NBR1: variants seen among roughly 807,000 people sequenced by gnomAD.
NBR1 encodes next to BRCA1 gene 1 protein.
Under a neutral mutation model 115.5 loss-of-function variants are expected in NBR1, and 59 were observed. The ratio of observed to expected loss-of-function variants is 0.51; its 90% CI spans 0.41 to 0.63. The LOEUF (loss-of-function observed/expected upper bound fraction) is 0.63. Ranked by LOEUF, NBR1 falls within the 30% of genes least tolerant of loss-of-function variation. The pLI, the probability that NBR1 is intolerant of heterozygous loss-of-function variation, is 0.00. For missense variants in NBR1, 1,043 were observed against 1,150.5 expected (o/e 0.91, Z 1.35); for synonymous variants, 373 against 414.7 (o/e 0.90, Z 1.22).
chr17:43,207,530 T>A (rs953440997), intron 20 of NBR1, among the ~76,000 whole-genome samples: 1 of 152,160 alleles, frequency 6.6e-6, no homozygotes, highest in Non-Finnish European at 1.5e-5. Flanking sequence ...GCTAGTTTTT[T>A]AAAAATCTTT....
intron 16 of NBR1, among the ~76,000 whole-genome samples, chr17:43,197,475 C>T (rs888776695): frequency 6.6e-6 from 1 of 151,240 alleles, no homozygotes; most frequent in Admixed American, 6.6e-5. Flanking sequence ...GCCAAGATTG[C>T]GCCACTGCAC....
At chr17:43,186,625 C>G (rs1048179577) in intron 6 of NBR1, among the ~76,000 whole-genome samples, 181 bp downstream of exon 6, 1 of 152,098 alleles carries the variant, frequency 6.6e-6, no homozygotes, top group Non-Finnish European at 1.5e-5. Context: ...ACCCATCAAC[C>G]TATCATCTAC....
chr17:43,179,471 G>A, intron 4 of NBR1, 59 bp downstream of exon 4: 1 of 1,485,062 alleles, frequency 6.7e-7, no homozygotes, highest in African/African-American at 1.4e-5. Context: ...GCTCATTGAG[G>A]CATTTCTATT....
chr17:43,194,887 G>A (rs771702531), intron 13 of NBR1, 77 bp from the exon 14 acceptor site: 316 of 1,064,776 alleles, frequency 3.0e-4, no homozygotes, highest in Middle Eastern at 1.4e-3. Context: ...GAAATGATGT[G>A]GAAATGGTCT....
At position 43,193,464 on chromosome 17, in the gene NBR1, C is replaced by T; in HGVS notation, c.1350C>T (p.Ala450=). 6.2e-7 allele frequency: 1 copy of T among 1,613,930 alleles called. No homozygotes were observed. The highest frequency in any genetic ancestry group is 2.2e-5 in the East Asian group (1 of 44,880). Residue 450 remains alanine (A), a synonymous_variant, in exon 12 of 21, where the codon GCC becomes GCT. Coordinates refer to ENST00000590996, the MANE Select transcript of NBR1 (RefSeq NM_005899.5). ...TATCTGTGGAGTTCATTGCCCCAGC[C>T]TTGGAGGGAACGTATACTTCCCATT... ...GVVSVEFIAP[A]LEGTYTSHWR...
rs946141220 is a variant in NBR1, at chr17:43,210,539, A to G, written c.*465A>G. The stretch of plus-strand genomic sequence containing the variant: ...ATTTCTGTAATCCACCTCAAGCTTC[A>G]TAGTTATTTGGCATTGAAATAACAC... On this transcript the variant is annotated 3_prime_UTR_variant, in exon 21 of 21. Transcript: ENST00000590996. 8.5e-5 allele frequency: 34 copies of G among 398,312 alleles called. No homozygotes were observed. Among genetic ancestry groups the G allele is most frequent in the Non-Finnish European group, 1.4e-4 (31 of 226,054 alleles). 24.7% of individuals were successfully genotyped at this position (398,312 alleles called of 1,614,324 possible). A position where few individuals can be genotyped will look rare whatever the true frequency, so the allele number is the denominator to read the frequency against.
chr17:43,182,028 T>C (rs2056680318), intron 5 of NBR1, among the ~76,000 whole-genome samples: 1 of 151,208 alleles, frequency 6.6e-6, no homozygotes, highest in South Asian at 2.1e-4. Flanking sequence ...CCCCCTTTTT[T>C]TTTTCCTAAA....
At chr17:43,171,062 G>C (rs1176545479), upstream of NBR1, 1 of 152,536 alleles carries the variant, frequency 6.6e-6, no homozygotes, top group African/African-American at 2.4e-5. Context: ...TGTTATTGTT[G>C]TTCGGGTTCA....
intron 1 of NBR1, among the ~76,000 whole-genome samples, chr17:43,171,826 A>T (rs1319992588): frequency 6.6e-6 from 1 of 152,108 alleles, no homozygotes; most frequent in Non-Finnish European, 1.5e-5. Context: ...TTTGAGACAG[A>T]GTCTTGCTTT....
At chr17:43,186,137 C>T in intron 5 of NBR1, 113 bp from the exon 6 acceptor site, 2 of 855,772 alleles carry the variant, frequency 2.3e-6, no homozygotes, top group Non-Finnish European at 3.6e-6. Context: ...AAACACAAAT[C>T]CTAGTATTTT....
Position 43,194,492 on chromosome 17 carries a change from C to G in NBR1, c.1667C>G (p.Thr556Ser). Reference sequence around the variant, plus strand: ...TACATCCCATCTGTGGATCTTCTGACTGCCCAGGTGGAAGATTCAGCACTT... The same window carrying G: ...TACATCCCATCTGTGGATCTTCTGAGTGCCCAGGTGGAAGATTCAGCACTT... ...ELYIPSVDLL[T>S]AQDLLSFELL... The change falls in exon 13 of 21, where the codon ACT becomes AGT. Residue 556 changes from threonine to serine, a missense_variant. Coordinates refer to ENST00000590996, the MANE Select transcript of NBR1 (RefSeq NM_005899.5). 2 of 1,613,890 alleles carry G rather than the reference C, an allele frequency of 1.2e-6. No homozygotes were observed. The highest frequency in any genetic ancestry group is 1.3e-5 in the African/African-American group (1 of 75,046).
chr17:43,180,667 T>C (rs1235676236), intron 4 of NBR1, 128 bp from the exon 5 acceptor site: 13 of 1,088,752 alleles, frequency 1.2e-5, no homozygotes, highest in Non-Finnish European at 1.5e-5. Flanking sequence ...TGGCTATCCT[T>C]AATCTTATGG....
chr17:43,202,193 A>AC (rs2057217123), intron 18 of NBR1, among the ~76,000 whole-genome samples: 3 of 150,168 alleles, frequency 2.0e-5, no homozygotes, highest in Non-Finnish European at 4.4e-5. Context: ...AAAAAAAAAA[A>AC]AAAACTTGCC....
Position 43,211,585 on chromosome 17 carries a change from T to G in NBR1, c.*1511T>G, listed in dbSNP as rs2057416573. The G allele has an allele frequency of 1.3e-5, 2 of 152,278 alleles. No homozygotes were observed. The highest frequency in any genetic ancestry group is 2.9e-5 in the Non-Finnish European group (2 of 68,024). The allele number at this position is 152,278 out of a possible 1,614,324, so 9.4% of individuals were successfully genotyped here. ...GGGACCTGTCTTGACCATCGGAGTTTTATAATCGAGGGCCAGGAGGGCCCG... is the reference window on the plus strand; with the variant it reads ...GGGACCTGTCTTGACCATCGGAGTTGTATAATCGAGGGCCAGGAGGGCCCG... On this transcript the variant is annotated 3_prime_UTR_variant, in exon 21 of 21. Coordinates refer to ENST00000590996, the MANE Select transcript of NBR1 (RefSeq NM_005899.5).
intron 8 of NBR1, chr17:43,190,405 G>T: frequency 7.0e-6 from 4 of 570,630 alleles, no homozygotes; most frequent in South Asian, 5.8e-5. Context: ...TCCTCCCATA[G>T]ATTTTCATTT....
At chr17:43,203,575 T>A (rs931309921) in intron 19 of NBR1, 106 bp from the exon 20 acceptor site, 4 of 658,906 alleles carry the variant, frequency 6.1e-6, no homozygotes, top group Non-Finnish European at 1.0e-5. Flanking sequence ...TCCATCTAAT[T>A]TTTTCTCTTA....
rs753060995 is a variant in NBR1 at position 43,200,428 on chromosome 17, G to A, written c.2288G>A (p.Gly763Asp). ...SALSQPGLER[G>D]AEGKPGVEAG... ...CTCTCACAGCCAGGCCTGGAGCGAG[G>A]TGCTGAAGGCAAGCCTGGGGTTGAG... Residue 763 changes from glycine (G) to aspartate (D), a missense_variant, in exon 17 of 21, where the codon GGT becomes GAT. By Grantham distance (94) the Gly-to-Asp change is moderately conservative. Coordinates refer to ENST00000590996, the MANE Select transcript of NBR1 (RefSeq NM_005899.5). The A allele has an allele frequency of 3.7e-6, 6 of 1,611,544 alleles. No homozygotes were observed. Among genetic ancestry groups the A allele is most frequent in the Non-Finnish European group, 5.1e-6 (6 of 1,178,810 alleles).
In NBR1 at chr17:43,193,493, G is replaced by T; in HGVS notation, c.1379G>T (p.Arg460Leu). The T allele has an allele frequency of 6.2e-7, 1 of 1,613,824 alleles. No individual in the cohort carries two copies. Among genetic ancestry groups the T allele is most frequent in the Non-Finnish European group, 8.5e-7 (1 of 1,179,826 alleles). The change falls in exon 12 of 21, where the codon CGT becomes CTT. Residue 460 changes from arginine to leucine, a missense_variant. By Grantham distance (102) the Arg-to-Leu change is moderately radical. Transcript: ENST00000590996. ...GAGGGAACGTATACTTCCCATTGGC[G>T]TCTTTCTCACAAAGGCCAGCAATTT... ...ALEGTYTSHW[R>L]LSHKGQQFGP...
At position 43,202,595 on chromosome 17, in the gene NBR1, G is replaced by C; in HGVS notation, c.2564-60G>C. 3 of 1,242,350 alleles carry C rather than the reference G, an allele frequency of 2.4e-6. No individual in the cohort carries two copies. In the South Asian group the frequency reaches 4.0e-5, roughly 16 times the overall value. The allele number at this position is 1,242,350 out of a possible 1,614,324, so 77.0% of individuals were successfully genotyped here. On this transcript the variant is annotated intron_variant, in intron 18 of 20. Coordinates refer to ENST00000590996, the MANE Select transcript of NBR1 (RefSeq NM_005899.5). Reference sequence around the variant, plus strand: ...TGCCTCAATAATAGCCTTGCTGTGAGTTAGGAAACAGTAGGTGCTTATGGA... The same window carrying C: ...TGCCTCAATAATAGCCTTGCTGTGACTTAGGAAACAGTAGGTGCTTATGGA...
Sources: gnomAD v4.1 joint callset for allele counts (sites outside exome capture counted in the v4.1 genomes callset) on GRCh38, gnomAD v4.1.1 for gene constraint, MANE v1.5 for transcripts, NCBI Gene and HGNC (gene_info 2026-07-23, HGNC 2026-07-21) for gene names.